FRMPD2: variants seen among roughly 807,000 people sequenced by gnomAD.
The protein encoded by FRMPD2 is FERM and PDZ domain-containing protein 2.
In FRMPD2, 96 loss-of-function variants were observed where a neutral mutation model predicts 140.1. The observed-to-expected ratio is 0.69, with a 90% CI of 0.58 to 0.81. The LOEUF is 0.81. Ranked by LOEUF, FRMPD2 falls within the 40% of genes least tolerant of loss-of-function variation. The probability of loss-of-function intolerance (pLI) is 0.00; values close to 1 mark genes in which losing one functional copy is unlikely to be tolerated. For synonymous variants in FRMPD2, 449 were observed against 547.6 expected (o/e 0.82, Z 2.52); for missense variants, 1,240 against 1,447.4 (o/e 0.86, Z 2.32).
rs776635470 is a variant in FRMPD2, at chr10:48,232,138, T to G, written c.1145A>C (p.Tyr382Ser). The G allele has an allele frequency of 1.0e-4, 164 of 1,614,058 alleles. No individual in the cohort carries two copies. Among genetic ancestry groups the G allele is most frequent in the Admixed American group, 4.5e-4 (27 of 60,004 alleles). ...ACTTTTCATATACGCCAAGCCAAAG[T>G]AGGTGAGTTCCTCGAGGTTGGCAAA... ...TSFANLEELT[Y>S]FGLAYMKSKE... Residue 382 changes from tyrosine (Y) to serine (S), a missense_variant, in exon 10 of 29, where the codon TAC becomes TCC. This residue lies in a region of FRMPD2 where 1,161 missense variants were observed against 1,055.9 expected (regional missense o/e 1.10). Transcript: ENST00000374201.
chr10:48,217,881 A>G (rs915277217), intron 12 of FRMPD2, among the ~76,000 whole-genome samples: 7 of 152,224 alleles, frequency 4.6e-5, no homozygotes, highest in African/African-American at 1.7e-4. Flanking sequence ...AGGTGTCCAC[A>G]CCCAGTGGTG....
chr10:48,274,687 T>C lies in FRMPD2; in HGVS notation c.-120A>G. On this transcript the variant is annotated 5_prime_UTR_variant, in exon 1 of 29. Coordinates refer to ENST00000374201, the MANE Select transcript of FRMPD2 (RefSeq NM_001018071.4). ...TGCCACCAGCACTGTTGCCGCTGTC[T>C]TTGTTTACTGCTTGTCACTAAGCAC... is the stretch of plus-strand genomic sequence containing the variant. 1.1e-6 allele frequency: 1 copy of C among 893,638 alleles called. No homozygotes were observed. Among genetic ancestry groups the C allele is most frequent in the Non-Finnish European group, 1.8e-6 (1 of 549,414 alleles). 55.4% of individuals were successfully genotyped at this position (893,638 alleles called of 1,614,324 possible). A position where few individuals can be genotyped will look rare whatever the true frequency, so the allele number is the denominator to read the frequency against.
At chr10:48,236,341 T>C in intron 9 of FRMPD2, 141 bp downstream of exon 9, 1 of 714,882 alleles carries the variant, frequency 1.4e-6, no homozygotes, top group Non-Finnish European at 2.5e-6. Context: ...GAGGCAGTGA[T>C]GGTTCTGGCA....
At chr10:48,244,679 G>T in intron 4 of FRMPD2, 105 bp downstream of exon 4, 1 of 822,732 alleles carries the variant, frequency 1.2e-6, no homozygotes, top group Non-Finnish European at 2.1e-6. Context: ...GGACGGGAGA[G>T]TGGCATTATG....
intron 15 of FRMPD2, among the ~76,000 whole-genome samples, chr10:48,197,997 A>C (rs542257428): frequency 6.6e-6 from 1 of 152,338 alleles, no homozygotes; most frequent in East Asian, 1.9e-4. Context: ...AACATAAGGG[A>C]GGTAATTAGT....
Position 48,206,917 on chromosome 10 carries a change from G to T in FRMPD2, c.1628C>A (p.Pro543Gln). The T allele has an allele frequency of 1.2e-6, 2 of 1,613,740 alleles. No individual in the cohort carries two copies. The highest frequency in any genetic ancestry group is 1.7e-6 in the Non-Finnish European group (2 of 1,179,792). The change falls in exon 14 of 29, where the codon CCA (proline) becomes CAA (glutamine). Residue 543 changes from proline (P) to glutamine (Q), a missense_variant. By Grantham distance (76) the Pro-to-Gln change is moderately conservative. This residue lies in a region of FRMPD2 where 1,161 missense variants were observed against 1,055.9 expected (regional missense o/e 1.10). Coordinates refer to ENST00000374201, the MANE Select transcript of FRMPD2 (RefSeq NM_001018071.4). ...LKFLRVTQQLPEYGVLVHQVF... is the reference protein window; with the variant it reads ...LKFLRVTQQLQEYGVLVHQVF... ...TTGGTGAACCAGCACACCGTATTCTGGGAGCTGCTGAGTGACCTGGAGCAG... is the reference window on the plus strand; with the variant it reads ...TTGGTGAACCAGCACACCGTATTCTTGGAGCTGCTGAGTGACCTGGAGCAG...
At chr10:48,268,174 A>G (rs751202029) in intron 1 of FRMPD2, among the ~76,000 whole-genome samples, 2 of 152,248 alleles carry the variant, frequency 1.3e-5, no homozygotes, top group Non-Finnish European at 2.9e-5. Context: ...AATGAAGTCT[A>G]TAATGAGATA....
chr10:48,173,623 G>T (rs1838325183), intron 24 of FRMPD2, among the ~76,000 whole-genome samples: 1 of 152,152 alleles, frequency 6.6e-6, no homozygotes. Context: ...ATGGCTGCCA[G>T]TGAATTGGTC....
chr10:48,226,105 C>T (rs1010566032), intron 10 of FRMPD2, among the ~76,000 whole-genome samples: 1 of 152,184 alleles, frequency 6.6e-6, no homozygotes, highest in Admixed American at 6.5e-5. Context: ...TAATTTAGAG[C>T]TCCAATGGCC....
intron 1 of FRMPD2, among the ~76,000 whole-genome samples, chr10:48,259,148 C>T (rs979169058): frequency 5.3e-5 from 8 of 152,302 alleles, no homozygotes; most frequent in African/African-American, 1.9e-4. Context: ...AATGTGACCG[C>T]AGTGTGTATT....
In FRMPD2 at chr10:48,240,444, T is replaced by C. The variant is rs369798508; in HGVS notation, c.616A>G (p.Ser206Gly). The C allele has an allele frequency of 4.3e-6, 7 of 1,613,858 alleles. No homozygotes were observed. The highest frequency in any genetic ancestry group is 5.9e-6 in the Non-Finnish European group (7 of 1,180,032). ...CGCAGCCTCTTCCTGAGCAGGTAGCTTCTGTTCTGCTGCACAGAGGAGCTT... is the reference window on the plus strand; with the variant it reads ...CGCAGCCTCTTCCTGAGCAGGTAGCCTCTGTTCTGCTGCACAGAGGAGCTT... ...EESSSVQQNR[S>G]YLLRKRLRGT... is the part of the protein sequence containing the mutation. Residue 206 changes from serine (S) to glycine (G), a missense_variant, in exon 6 of 29, where the codon AGC becomes GGC. Ser to Gly is a moderately conservative substitution (Grantham distance 56, BLOSUM62 0). Coordinates refer to ENST00000374201, the MANE Select transcript of FRMPD2 (RefSeq NM_001018071.4).
intron 27 of FRMPD2, among the ~76,000 whole-genome samples, chr10:48,167,764 T>C (rs1273657285): frequency 6.6e-6 from 1 of 152,100 alleles, no homozygotes; most frequent in Non-Finnish European, 1.5e-5. Context: ...TGTGAAGGTA[T>C]TTTTTTTTAG....
intron 1 of FRMPD2, among the ~76,000 whole-genome samples, chr10:48,264,548 A>G (rs1840649099): frequency 6.6e-6 from 1 of 152,100 alleles, no homozygotes; most frequent in African/African-American, 2.4e-5. Flanking sequence ...ACACCAAAAA[A>G]TTTTGAAGTA....
intron 27 of FRMPD2, among the ~76,000 whole-genome samples, chr10:48,165,370 C>CCT (rs1305184594): frequency 3.3e-5 from 4 of 123,004 alleles, no homozygotes; most frequent in Non-Finnish European, 6.9e-5. Context: ...TCAGCTTCCA[C>CCT]CTCTCGCCAC....
At chr10:48,250,133 G>A (rs1303015858) in intron 2 of FRMPD2, among the ~76,000 whole-genome samples, 2 of 152,084 alleles carry the variant, frequency 1.3e-5, no homozygotes, top group Non-Finnish European at 2.9e-5. Flanking sequence ...GAGGTGACTC[G>A]CCCGAGCCCA....
intron 15 of FRMPD2, among the ~76,000 whole-genome samples, chr10:48,193,771 A>G (rs1303685545): frequency 6.6e-6 from 1 of 152,166 alleles, no homozygotes; most frequent in Non-Finnish European, 1.5e-5. Flanking sequence ...GTGTGTGCAC[A>G]TGCACTTCTA....
intron 7 of FRMPD2, 137 bp downstream of exon 7, chr10:48,239,468 G>A (rs1292641585): frequency 1.7e-6 from 1 of 593,360 alleles, no homozygotes; most frequent in Non-Finnish European, 3.0e-6. Context: ...TTCTTCATCT[G>A]TTAATGGAAT....
chr10:48,232,009 AC>A, intron 10 of FRMPD2, 105 bp downstream of exon 10: 1 of 997,306 alleles, frequency 1.0e-6, no homozygotes, highest in African/African-American at 1.6e-5. Context: ...AAAGGGAGGC[AC>A]CCAAGTCTCA....
At chr10:48,161,826 T>C (rs1382880453) in intron 28 of FRMPD2, among the ~76,000 whole-genome samples, 3 of 151,524 alleles carry the variant, frequency 2.0e-5, no homozygotes, top group Non-Finnish European at 4.4e-5. Flanking sequence ...GTTTAATGAA[T>C]GAAACAGTGA....
Sources: allele counts gnomAD v4.1 joint callset (sites outside exome capture counted in the v4.1 genomes callset), GRCh38; gene constraint gnomAD v4.1.1; regional missense constraint gnomAD v4.1.1; transcripts MANE v1.5; gene names NCBI Gene and HGNC (gene_info 2026-07-23, HGNC 2026-07-21).